Variants in PXDN observed in about 807,000 individuals in gnomAD.
The protein encoded by PXDN is peroxidasin homolog.
PXDN carries 77 observed loss-of-function variants against 140.3 expected under a neutral mutation model. That is an observed-to-expected ratio of 0.55 (90% CI 0.46 to 0.66). The LOEUF (loss-of-function observed/expected upper bound fraction) is 0.66. Among genes scored for constraint, PXDN ranks in the 30% least tolerant of loss-of-function variants. The pLI is 0.00. For missense variants in PXDN, 1,838 were observed against 2,039.5 expected, an observed-to-expected ratio of 0.90 and a Z score of 1.90; for synonymous variants, 911 against 857.4, an observed-to-expected ratio of 1.06 and a Z score of -1.09.
At chr2:1,666,574 C>A in intron 9 of PXDN, 88 bp from the exon 10 acceptor site, 2 of 1,417,382 alleles carry the variant, frequency 1.4e-6, no homozygotes, top group Non-Finnish European at 9.4e-7. Context: ...GCTATTAATT[C>A]TATTTACCAC....
At chr2:1,695,326 A>C (rs909839730) in intron 1 of PXDN, among the ~76,000 whole-genome samples, 2 of 150,864 alleles carry the variant, frequency 1.3e-5, no homozygotes, top group African/African-American at 2.4e-5. Flanking sequence ...CTGGACAGAG[A>C]GGTGCTGTCC....
intron 1 of PXDN, among the ~76,000 whole-genome samples, chr2:1,699,593 C>T (rs1036155926): frequency 2.0e-5 from 3 of 151,992 alleles, no homozygotes; most frequent in Admixed American, 6.6e-5. Context: ...GCCTGTAATC[C>T]CAGCTACTCG....
intron 1 of PXDN, among the ~76,000 whole-genome samples, chr2:1,730,999 T>G (rs1196505105): frequency 1.3e-5 from 2 of 152,052 alleles, no homozygotes; most frequent in African/African-American, 4.8e-5. Context: ...ACAGCCCACA[T>G]TAGAAGCTGG....
intron 1 of PXDN, among the ~76,000 whole-genome samples, chr2:1,716,325 C>G (rs545386190): frequency 1.4e-4 from 21 of 151,500 alleles, no homozygotes; most frequent in Admixed American, 2.6e-4. Context: ...GTAATCCCAG[C>G]TACTTGGGAG....
Position 1,661,360 on chromosome 2 carries a change from A to G in PXDN, c.1681-323T>C, listed in dbSNP as rs73910817. 8.5e-3 allele frequency among the ~76,000 whole-genome samples: 1,296 copies of G among 152,296 alleles called. 12 individuals carry two copies. Among genetic ancestry groups the G allele is most frequent in the African/African-American group, 0.029 (1,223 of 41,560 alleles). Reference sequence around the variant, plus strand: ...GACACCCGCTATGGTGGGGGGCCCTACAAAGAGACCTAGGAATGTCTCAGA... The same window carrying G: ...GACACCCGCTATGGTGGGGGGCCCTGCAAAGAGACCTAGGAATGTCTCAGA... On this transcript the variant is annotated intron_variant, in intron 13 of 22. Coordinates refer to ENST00000252804, the MANE Select transcript of PXDN (RefSeq NM_012293.3).
chr2:1,720,901 C>T (rs369317436), intron 1 of PXDN, among the ~76,000 whole-genome samples: 28 of 151,416 alleles, frequency 1.8e-4, no homozygotes, highest in African/African-American at 6.3e-4. Flanking sequence ...TCATGCTGGC[C>T]GCTTACTGAT....
In PXDN at chr2:1,661,986, C is replaced by T. The variant is rs549690498; in HGVS notation, c.1680+86G>A. ...TGGGGCGTGGGCACTGGTCCGCCTA[C>T]CTTGCTCCAGGTAGTGGGTGGTGTG... On this transcript the variant is annotated intron_variant, in intron 13 of 22. Transcript: ENST00000252804. 4.8e-6 allele frequency: 6 copies of T among 1,262,972 alleles called. No homozygotes were observed. The African/African-American group carries it at 8.9e-5, about 19-fold the overall frequency. 78.2% of individuals were successfully genotyped at this position (1,262,972 alleles called of 1,614,324 possible). A position where few individuals can be genotyped will look rare whatever the true frequency, so the allele number is the denominator to read the frequency against.
Position 1,676,846 on chromosome 2 carries a change from G to A in PXDN, c.848+81C>T, listed in dbSNP as rs1683729764. 6 of 1,306,754 alleles carry A rather than the reference G, an allele frequency of 4.6e-6. No homozygotes were observed. The Admixed American group carries it at 1.2e-4, about 26-fold the overall frequency. The allele number at this position is 1,306,754 out of a possible 1,614,324, so 80.9% of individuals were successfully genotyped here. A position where few individuals can be genotyped will look rare whatever the true frequency, so the allele number is the denominator to read the frequency against. ...GGAGGAAAAGTGGACGTGGGCCTTG[G>A]TGGGGAGTGAGGTGTGGTTTGGGTG... On this transcript the variant is annotated intron_variant, in intron 8 of 22. Coordinates refer to ENST00000252804, the MANE Select transcript of PXDN (RefSeq NM_012293.3).
In PXDN at chr2:1,639,527, C is replaced by T; in HGVS notation, c.3953-105G>A. 1 of 1,537,966 alleles carries T rather than the reference C, an allele frequency of 6.5e-7. No homozygotes were observed. The highest frequency in any genetic ancestry group is 2.3e-5 in the East Asian group (1 of 44,234). Reference sequence around the variant, plus strand: ...AAGTCTTCACTGGCTGCCCGTGGAACAAACTGTGGCACATTTCAGTGAGGC... The same window carrying T: ...AAGTCTTCACTGGCTGCCCGTGGAATAAACTGTGGCACATTTCAGTGAGGC... On this transcript the variant is annotated intron_variant, in intron 19 of 22. Transcript: ENST00000252804. This position sits in a 1 kb window ranked among gnomAD's most constrained non-coding sequence, Gnocchi z 5.0.
At chr2:1,729,381 C>T (rs1685261599) in intron 1 of PXDN, among the ~76,000 whole-genome samples, 1 of 152,128 alleles carries the variant, frequency 6.6e-6, no homozygotes. Context: ...GGCTCCCCAA[C>T]GAAGGTGCAT....
chr2:1,684,714 G>A (rs902490943), intron 4 of PXDN, among the ~76,000 whole-genome samples: 6 of 152,112 alleles, frequency 3.9e-5, no homozygotes, highest in South Asian at 2.1e-4. Flanking sequence ...ATCTTTCCTC[G>A]GGTGTCGTTG....
rs1683014389 is a variant in PXDN, at chr2:1,651,542, G to T, written c.2105-1867C>A. ...TATATTCGCTCCCAGGCCCTTTCTG[G>T]TGGAGCACAAATCTCCTTAACTTTA... On this transcript the variant is annotated intron_variant, in intron 16 of 22. Coordinates refer to ENST00000252804, the MANE Select transcript of PXDN (RefSeq NM_012293.3). This position sits in a 1 kb window ranked among gnomAD's most constrained non-coding sequence, Gnocchi z 4.4. Among the ~76,000 whole-genome samples the T allele has an allele frequency of 6.6e-6, 1 of 152,176 alleles. No homozygotes were observed. Among genetic ancestry groups the T allele is most frequent in the African/African-American group, 2.4e-5 (1 of 41,444 alleles).
intron 4 of PXDN, among the ~76,000 whole-genome samples, chr2:1,684,803 T>C (rs1184738202): frequency 6.6e-6 from 1 of 152,214 alleles, no homozygotes; most frequent in African/African-American, 2.4e-5. Flanking sequence ...TATAACTCAT[T>C]CTTTCTAATT....
chr2:1,674,254 G>A (rs747299385), intron 8 of PXDN, among the ~76,000 whole-genome samples: 2 of 152,182 alleles, frequency 1.3e-5, no homozygotes, highest in Non-Finnish European at 2.9e-5. Context: ...CTGCAGCCCA[G>A]GCTGGAGCGC....
At chr2:1,704,960 C>A (rs1207507569) in intron 1 of PXDN, among the ~76,000 whole-genome samples, 4 of 152,106 alleles carry the variant, frequency 2.6e-5, no homozygotes, top group Non-Finnish European at 4.4e-5. Flanking sequence ...GATGATGCAT[C>A]ATCCGTCAGT....
intron 1 of PXDN, among the ~76,000 whole-genome samples, chr2:1,720,683 CTT>C (rs1335004563): frequency 7.4e-6 from 1 of 134,570 alleles, no homozygotes; most frequent in Non-Finnish European, 1.6e-5. Context: ...CTCTGCATCT[CTT>C]TCTCTCTCTC....
chr2:1,733,667 G>A lies in PXDN; in HGVS notation c.200+10589C>T, dbSNP rs578129334. Among the ~76,000 whole-genome samples, 6 of 150,644 alleles carry A rather than the reference G, an allele frequency of 4.0e-5. No individual in the cohort carries two copies. In the South Asian group the frequency reaches 6.3e-4, roughly 16 times the overall value. On this transcript the variant is annotated intron_variant, in intron 1 of 22. Transcript: ENST00000252804. ...TGAGGCAGGAGAATCGCTTGAACCC[G>A]GGAGGCGGAGGCTGCAGTGAGCCGA... is the stretch of plus-strand genomic sequence containing the variant.
intron 1 of PXDN, among the ~76,000 whole-genome samples, chr2:1,722,091 C>T (rs577480530): frequency 1.1e-4 from 17 of 152,168 alleles, no homozygotes; most frequent in South Asian, 8.3e-4. Flanking sequence ...CAGAGTTAAG[C>T]GAGAAATAAT....
At chr2:1,680,945 G>T (rs1683886362) in intron 6 of PXDN, among the ~76,000 whole-genome samples, 2 of 152,220 alleles carry the variant, frequency 1.3e-5, no homozygotes, top group Non-Finnish European at 2.9e-5. Context: ...GGCACATCCT[G>T]TCCCAACAAG....
Sources: allele counts gnomAD v4.1 joint callset (sites outside exome capture counted in the v4.1 genomes callset), GRCh38; gene constraint gnomAD v4.1.1; non-coding constraint Gnocchi (gnomAD v3.1); transcripts MANE v1.5; gene names NCBI Gene and HGNC (gene_info 2026-07-23, HGNC 2026-07-21).